SORCS3: variants seen among roughly 807,000 people sequenced by gnomAD.
SORCS3 encodes VPS10 domain-containing receptor SorCS3.
Under a neutral mutation model 146.3 loss-of-function variants are expected in SORCS3, and 57 were observed. The observed-to-expected ratio is 0.39, with a 90% CI of 0.31 to 0.49. The LOEUF is 0.49. Ranked by LOEUF, SORCS3 falls within the 20% of genes least tolerant of loss-of-function variation. The pLI is 0.92. For synonymous variants in SORCS3, 653 were observed against 618.5 expected, an observed-to-expected ratio of 1.06 and a Z score of -0.83; for missense variants, 1,341 against 1,575.5, an observed-to-expected ratio of 0.85 and a Z score of 2.52.
chr10:104,756,858 T>C (rs546983733), intron 1 of SORCS3, among the ~76,000 whole-genome samples: 1 of 152,298 alleles, frequency 6.6e-6, no homozygotes, highest in Admixed American at 6.5e-5. Context: ...TGGGGAACAT[T>C]CTGATACTTG....
intron 1 of SORCS3, among the ~76,000 whole-genome samples, chr10:104,716,661 A>ACCAG (rs755383613): frequency 9.2e-5 from 14 of 152,216 alleles, no homozygotes; most frequent in Non-Finnish European, 1.9e-4. Flanking sequence ...ACGTTTAGTC[A>ACCAG]GCAGGCAGTT....
intron 3 of SORCS3, among the ~76,000 whole-genome samples, chr10:104,954,464 A>G (rs1429494100): frequency 2.6e-5 from 4 of 152,224 alleles, no homozygotes; most frequent in Non-Finnish European, 5.9e-5. Context: ...AAGTGCCTGT[A>G]TACCAACTTT....
rs1589466193 is a variant in SORCS3 at position 104,706,912 on chromosome 10, A to T, written c.627+64958A>T. 2.6e-5 allele frequency among the ~76,000 whole-genome samples: 4 copies of T among 152,176 alleles called. No homozygotes were observed. The East Asian group carries it at 7.7e-4, about 29-fold the overall frequency. ...AAACGTAAGTGTGGGCACGTGGAAG[A>T]TTGCTGTGGTTGCAAGGTCAGCTCT... On this transcript the variant is annotated intron_variant, in intron 1 of 26. Transcript: ENST00000369701.
chr10:104,884,001 A>C (rs2018657317), intron 2 of SORCS3, among the ~76,000 whole-genome samples: 1 of 151,108 alleles, frequency 6.6e-6, no homozygotes, highest in Non-Finnish European at 1.5e-5. Context: ...GTCCTACCCT[A>C]TCTGTTGAGA....
At chr10:105,067,856 G>C (rs1279674768) in intron 5 of SORCS3, among the ~76,000 whole-genome samples, 1 of 151,756 alleles carries the variant, frequency 6.6e-6, no homozygotes, top group Admixed American at 6.6e-5. Context: ...TTACCTTCCT[G>C]ACCATCCTCT....
intron 1 of SORCS3, among the ~76,000 whole-genome samples, chr10:104,767,724 C>G (rs1235520247): frequency 8.6e-5 from 12 of 138,838 alleles, no homozygotes; most frequent in Admixed American, 7.2e-5. Flanking sequence ...CCTCCGCCTC[C>G]CCTCCCCTTT....
chr10:104,943,192 C>T (rs2019337582), intron 3 of SORCS3, among the ~76,000 whole-genome samples: 1 of 152,034 alleles, frequency 6.6e-6, no homozygotes, highest in South Asian at 2.1e-4. Flanking sequence ...TGCAGTGGTG[C>T]ATTCTTGGCT....
chr10:105,227,985 T>TTGTGTGTGTG (rs59033040), intron 20 of SORCS3, among the ~76,000 whole-genome samples: 134 of 128,916 alleles, frequency 1.0e-3, no homozygotes, highest in African/African-American at 3.6e-3. Context: ...TGTGGTCATT[T>TTGTGTGTGTG]TGTGTGTGTG....
intron 3 of SORCS3, among the ~76,000 whole-genome samples, chr10:104,952,254 T>TAAA (rs1258975561): frequency 2.6e-5 from 1 of 38,220 alleles, no homozygotes; most frequent in Non-Finnish European, 5.6e-5. Context: ...CATGAATGTT[T>TAAA]GAAAAAAAAA....
intron 3 of SORCS3, among the ~76,000 whole-genome samples, chr10:104,937,386 T>C (rs962492099): frequency 1.3e-5 from 2 of 152,212 alleles, no homozygotes; most frequent in African/African-American, 4.8e-5. Flanking sequence ...AAGCAGATTC[T>C]AGAAAATGTA....
At chr10:104,767,925 A>G (rs2017200825) in intron 1 of SORCS3, among the ~76,000 whole-genome samples, 1 of 151,570 alleles carries the variant, frequency 6.6e-6, no homozygotes. Flanking sequence ...CCACTCTTTG[A>G]ATAGTTTTAC....
At chr10:105,007,503 T>C (rs2055103624) in intron 4 of SORCS3, among the ~76,000 whole-genome samples, 4 of 152,092 alleles carry the variant, frequency 2.6e-5, no homozygotes, top group Admixed American at 2.6e-4. Flanking sequence ...AACAGAATCC[T>C]AGAAAGCAGA....
Position 105,200,266 on chromosome 10 carries a change from ACACT to A in SORCS3, c.2127+153_2127+156del. 4 of 637,930 alleles carry A rather than the reference ACACT, an allele frequency of 6.3e-6. No individual in the cohort carries two copies. The South Asian group carries it at 7.6e-5, about 12-fold the overall frequency. 39.5% of individuals were successfully genotyped at this position (637,930 alleles called of 1,614,324 possible). On this transcript the variant is annotated intron_variant, in intron 15 of 26. Transcript: ENST00000369701. ...GTGGATTTGGAGAAAAGGGTGAAAC[ACACT>A]CAGGTCCAGTAGGGCCAGATGATAT...
chr10:104,651,723 G>A (rs1390940315), intron 1 of SORCS3, among the ~76,000 whole-genome samples: 1 of 151,828 alleles, frequency 6.6e-6, no homozygotes, highest in Non-Finnish European at 1.5e-5. Flanking sequence ...AAAAAAGAAT[G>A]TTAATTCTCA....
At chr10:104,676,319 T>C (rs534123530) in intron 1 of SORCS3, among the ~76,000 whole-genome samples, 1 of 152,356 alleles carries the variant, frequency 6.6e-6, no homozygotes, top group South Asian at 2.1e-4. Context: ...TCCCTATGAA[T>C]CATCATGTTT....
chr10:104,720,545 T>C (rs1314563292), intron 1 of SORCS3, among the ~76,000 whole-genome samples: 23 of 152,228 alleles, frequency 1.5e-4, no homozygotes, highest in Admixed American at 1.4e-3. Context: ...CCTGAGGAAT[T>C]GCCTCACTGA....
intron 1 of SORCS3, among the ~76,000 whole-genome samples, chr10:104,669,677 G>A (rs1368225921): frequency 6.6e-6 from 1 of 152,088 alleles, no homozygotes; most frequent in Non-Finnish European, 1.5e-5. Flanking sequence ...TCAGCTATTG[G>A]GAATAATGTT....
chr10:104,935,806 A>G (rs1328966547), intron 3 of SORCS3, among the ~76,000 whole-genome samples: 1 of 152,120 alleles, frequency 6.6e-6, no homozygotes, highest in Non-Finnish European at 1.5e-5. Context: ...TAGAGTTGTG[A>G]GAAGGTAAGG....
chr10:105,199,035 G>A (rs1421680943), intron 14 of SORCS3, among the ~76,000 whole-genome samples: 2 of 152,104 alleles, frequency 1.3e-5, no homozygotes, highest in African/African-American at 4.8e-5. Flanking sequence ...AACAGTATCT[G>A]AACTTGGGCA....
Sources: gnomAD v4.1 joint callset for allele counts (sites outside exome capture counted in the v4.1 genomes callset) on GRCh38, gnomAD v4.1.1 for gene constraint, MANE v1.5 for transcripts, NCBI Gene and HGNC (gene_info 2026-07-23, HGNC 2026-07-21) for gene names.